NATD1: variants seen among roughly 807,000 people sequenced by gnomAD.
NATD1 encodes the protein protein NATD1.
In NATD1, 9 loss-of-function variants were observed where a neutral mutation model predicts 12.0. The observed-to-expected ratio is 0.75, with a 90% CI of 0.45 to 1.30. NATD1 has a LOEUF of 1.30. Ranked by LOEUF, NATD1 falls within the 50% of genes most tolerant of loss-of-function variation. NATD1 has a pLI of 0.00. For synonymous variants in NATD1, 71 were observed against 65.9 expected, an observed-to-expected ratio of 1.08 and a Z score of -0.37; for missense variants, 148 against 148.5, an observed-to-expected ratio of 1.00 and a Z score of 0.02.
chr17:21,245,506 CA>C (rs1457252067), intron 1 of NATD1, among the ~76,000 whole-genome samples: 7 of 152,334 alleles, frequency 4.6e-5, no homozygotes, highest in African/African-American at 1.7e-4. Flanking sequence ...GGGCCAACGG[CA>C]GCAAGGAGGC....
intron 1 of NATD1, 91 bp downstream of exon 1, chr17:21,253,060 CCGCGGGCG>C (rs1975393507): frequency 1.8e-6 from 1 of 570,442 alleles, no homozygotes; most frequent in African/African-American, 2.1e-5. Context: ...CGGAGCCGGG[CCGCGGGCG>C]CGCGGGGGAC....
chr17:21,243,973 G>A (rs1481484582), intron 2 of NATD1, 133 bp downstream of exon 2: 2 of 722,622 alleles, frequency 2.8e-6, no homozygotes, highest in Admixed American at 3.0e-5. Context: ...CCAGAAAGGC[G>A]GCCACTGGCC....
chr17:21,251,148 C>A (rs906860866), intron 1 of NATD1, among the ~76,000 whole-genome samples: 1 of 152,152 alleles, frequency 6.6e-6, no homozygotes, highest in Non-Finnish European at 1.5e-5. Context: ...GGGGAGATGC[C>A]CAGCCACATC....
At position 21,244,054 on chromosome 17, in the gene NATD1, G is replaced by A; in HGVS notation, c.225+52C>T. On this transcript the variant is annotated intron_variant, in intron 2 of 2. Coordinates refer to ENST00000611551, the MANE Select transcript of NATD1 (RefSeq NM_152914.3). This position sits in a 1 kb window ranked among gnomAD's most constrained non-coding sequence, Gnocchi z 5.2. Reference sequence around the variant, plus strand: ...GCCACCGTCTCCTCGGAGCGAAGGTGGCAGCCCCCATGTCCCCGTCCCCGC... The same window carrying A: ...GCCACCGTCTCCTCGGAGCGAAGGTAGCAGCCCCCATGTCCCCGTCCCCGC... The A allele has an allele frequency of 6.6e-7, 1 of 1,506,578 alleles. No individual in the cohort carries two copies. Among genetic ancestry groups the A allele is most frequent in the Non-Finnish European group, 9.1e-7 (1 of 1,102,392 alleles). The allele number at this position is 1,506,578 out of a possible 1,614,324, so 93.3% of individuals were successfully genotyped here. A position where few individuals can be genotyped will look rare whatever the true frequency, so the allele number is the denominator to read the frequency against.
intron 1 of NATD1, among the ~76,000 whole-genome samples, chr17:21,251,307 A>C (rs552286558): frequency 6.6e-4 from 100 of 151,542 alleles, no homozygotes; most frequent in African/African-American, 2.2e-3. Context: ...AAAAAAAAAA[A>C]AAAACAAACG....
intron 1 of NATD1, among the ~76,000 whole-genome samples, chr17:21,251,657 G>T (rs1268954237): frequency 6.6e-6 from 1 of 152,196 alleles, no homozygotes. Flanking sequence ...TCCCATCCAC[G>T]AAGCTGTAGT....
chr17:21,241,060 C>T lies in NATD1; in HGVS notation c.*2253G>A, dbSNP rs142376398. Reference sequence around the variant, plus strand: ...GCCCGGGGCCTCTGCAGGCCTCCACCACCCCATGCTGCCTAGTTCAAGTAT... The same window carrying T: ...GCCCGGGGCCTCTGCAGGCCTCCACTACCCCATGCTGCCTAGTTCAAGTAT... On this transcript the variant is annotated 3_prime_UTR_variant, in exon 3 of 3. Transcript: ENST00000611551. 2,235 of 152,792 alleles carry T rather than the reference C, an allele frequency of 0.015. 16 individuals are homozygous for T. Among genetic ancestry groups the T allele is most frequent in the African/African-American group, 0.028 (1,167 of 41,598 alleles). 9.5% of individuals were successfully genotyped at this position (152,792 alleles called of 1,614,324 possible). A position where few individuals can be genotyped will look rare whatever the true frequency, so the allele number is the denominator to read the frequency against.
intron 1 of NATD1, among the ~76,000 whole-genome samples, chr17:21,248,753 A>AG (rs1363017180): frequency 1.3e-5 from 2 of 152,214 alleles, no homozygotes; most frequent in East Asian, 1.9e-4. Flanking sequence ...AGACTAGCAC[A>AG]GGGGGGCAAG....
At chr17:21,252,692 T>C (rs551128775) in intron 1 of NATD1, among the ~76,000 whole-genome samples, 2 of 151,598 alleles carry the variant, frequency 1.3e-5, no homozygotes, top group Non-Finnish European at 2.9e-5. Flanking sequence ...CAGGAAGCCA[T>C]ATACCACCCG....
In NATD1 at chr17:21,253,349, C is replaced by CGCAGGCG. The variant is rs1178685692; in HGVS notation, c.-92_-86dup. ...GCGCGCGGCGGGGCTGGAGCGCGGG[C>CGCAGGCG]GCAGGCGGCAGGCGGTGGGGTAGTT... is the stretch of plus-strand genomic sequence containing the variant. On this transcript the variant is annotated 5_prime_UTR_variant, in exon 1 of 3. Coordinates refer to ENST00000611551, the MANE Select transcript of NATD1 (RefSeq NM_152914.3). The CGCAGGCG allele has an allele frequency of 1.7e-4, 89 of 517,426 alleles. No homozygotes were observed. The highest frequency in any genetic ancestry group is 2.1e-4 in the Non-Finnish European group (86 of 406,040). The allele number at this position is 517,426 out of a possible 1,614,324, so 32.1% of individuals were successfully genotyped here. A position where few individuals can be genotyped will look rare whatever the true frequency, so the allele number is the denominator to read the frequency against.
rs1975277047 is a variant in NATD1, at chr17:21,241,874, A to T, written c.*1439T>A. ...GGGTCTCGGTGCCAAGACTGGGGATAGCAAGGAGGTGAGTGGGAAATGCAA... is the reference window on the plus strand; with the variant it reads ...GGGTCTCGGTGCCAAGACTGGGGATTGCAAGGAGGTGAGTGGGAAATGCAA... On this transcript the variant is annotated 3_prime_UTR_variant, in exon 3 of 3. Transcript: ENST00000611551. 1 of 152,840 alleles carries T rather than the reference A, an allele frequency of 6.5e-6. No homozygotes were observed. The highest frequency in any genetic ancestry group is 2.4e-5 in the African/African-American group (1 of 41,360). 9.5% of individuals were successfully genotyped at this position (152,840 alleles called of 1,614,324 possible).
In NATD1 at chr17:21,244,770, G is replaced by GC. The variant is rs1458652178; in HGVS notation, c.107-547_107-546insG. ...TCATGAGAAACTGACGCTGGGCACA[G>GC]GAGGCAGGAACAAACGGGTTTTCAC... On this transcript the variant is annotated intron_variant, in intron 1 of 2. Coordinates refer to ENST00000611551, the MANE Select transcript of NATD1 (RefSeq NM_152914.3). This position sits in a 1 kb window ranked among gnomAD's most constrained non-coding sequence, Gnocchi z 5.2. Among the ~76,000 whole-genome samples, 8 of 152,252 alleles carry GC rather than the reference G, an allele frequency of 5.3e-5. No individual in the cohort carries two copies. Among genetic ancestry groups the GC allele is most frequent in the Non-Finnish European group, 1.5e-5 (1 of 68,048 alleles).
chr17:21,253,209 A>G lies in NATD1; in HGVS notation c.56T>C (p.Ile19Thr). 9.9e-7 allele frequency: 1 copy of G among 1,007,302 alleles called. No individual in the cohort carries two copies. Among genetic ancestry groups the G allele is most frequent in the African/African-American group, 1.8e-5 (1 of 56,912 alleles). 62.4% of individuals were successfully genotyped at this position (1,007,302 alleles called of 1,614,324 possible). The change falls in exon 1 of 3, where the codon ATC becomes ACC. Residue 19 changes from isoleucine to threonine, a missense_variant. By Grantham distance (89) the Ile-to-Thr change is moderately conservative. Coordinates refer to ENST00000611551, the MANE Select transcript of NATD1 (RefSeq NM_152914.3). ...GCGCCGGCGGTCGTGCTCCACGCGG[A>G]TGGGGCAGCCCTGCTCCAGCGCGCC... ...PLGALEQGCP[I>T]RVEHDRRRRQ...
rs1049182377 is a variant in NATD1 at position 21,244,929 on chromosome 17, C to G, written c.107-705G>C. On this transcript the variant is annotated intron_variant, in intron 1 of 2. Coordinates refer to ENST00000611551, the MANE Select transcript of NATD1 (RefSeq NM_152914.3). The surrounding 1 kb of genome is among the most constrained non-coding windows in gnomAD (Gnocchi z 5.2). ...TTTGTCTCTCCACCTACCCATCCAT[C>G]AACCCACCCATCCACTTATCCATCC... Among the ~76,000 whole-genome samples, 1 of 152,220 alleles carries G rather than the reference C, an allele frequency of 6.6e-6. No homozygotes were observed. Among genetic ancestry groups the G allele is most frequent in the Admixed American group, 6.5e-5 (1 of 15,280 alleles).
In NATD1 at chr17:21,243,438, C is replaced by G. The variant is rs776075803; in HGVS notation, c.226-9G>C. 6.2e-7 allele frequency: 1 copy of G among 1,609,252 alleles called. No individual in the cohort carries two copies. The highest frequency in any genetic ancestry group is 8.5e-7 in the Non-Finnish European group (1 of 1,178,166). ...ACGAAGTCCAGGGCGGCCTGGGAGC[C>G]GGGCAGAGAGGAGAGTGGTCAGGGC... On this transcript the variant is annotated splice_polypyrimidine_tract_variant and intron_variant, in intron 2 of 2. Transcript: ENST00000611551.
chr17:21,245,174 C>G (rs565854995), intron 1 of NATD1, among the ~76,000 whole-genome samples: 1 of 152,056 alleles, frequency 6.6e-6, no homozygotes, highest in African/African-American at 2.4e-5. Flanking sequence ...GCAGAGGGAA[C>G]AGCCAGTGCA....
intron 1 of NATD1, among the ~76,000 whole-genome samples, chr17:21,250,282 ACT>A (rs1975363184): frequency 6.6e-6 from 1 of 151,706 alleles, no homozygotes; most frequent in Non-Finnish European, 1.5e-5. Flanking sequence ...CACTTGGAAC[ACT>A]CTTCCCTGTT....
chr17:21,249,958 C>A lies in NATD1; in HGVS notation c.106+3201G>T, dbSNP rs1975360486. Among the ~76,000 whole-genome samples the A allele has an allele frequency of 2.0e-5, 3 of 152,356 alleles. No homozygotes were observed. In the South Asian group the frequency reaches 6.2e-4, roughly 32 times the overall value. ...CACCCACAAGCAAGTCACAGCCATG[C>A]TTCCTTCCACATCTGTCCAGGATCT... On this transcript the variant is annotated intron_variant, in intron 1 of 2. Transcript: ENST00000611551.
At chr17:21,249,843 T>A (rs1038157420) in intron 1 of NATD1, among the ~76,000 whole-genome samples, 3 of 152,200 alleles carry the variant, frequency 2.0e-5, no homozygotes, top group Non-Finnish European at 2.9e-5. Flanking sequence ...GCTGTGCGCC[T>A]TGGTTTCCCC....
Sources: gnomAD v4.1 joint callset for allele counts (sites outside exome capture counted in the v4.1 genomes callset) on GRCh38, gnomAD v4.1.1 for gene constraint, Gnocchi (gnomAD v3.1) non-coding constraint, MANE v1.5 for transcripts, NCBI Gene and HGNC (gene_info 2026-07-23, HGNC 2026-07-21) for gene names.